The following TTC7B variants were observed in gnomAD, a reference collection of about 807,000 sequenced individuals.
TTC7B encodes the protein tetratricopeptide repeat protein 7B.
TTC7B carries 28 observed loss-of-function variants against 106.8 expected under a neutral mutation model. The ratio of observed to expected loss-of-function variants is 0.26; its 90% CI spans 0.19 to 0.36. TTC7B has a LOEUF of 0.36. TTC7B is among the 10% of genes least tolerant of loss of function. The pLI is 1.00. For synonymous variants in TTC7B, 405 were observed against 430.6 expected (o/e 0.94, Z 0.74); for missense variants, 862 against 1,076.4 (o/e 0.80, Z 2.79).
At chr14:90,625,316 G>C (rs925955068) in intron 15 of TTC7B, among the ~76,000 whole-genome samples, 1 of 152,212 alleles carries the variant, frequency 6.6e-6, no homozygotes, top group Admixed American at 6.5e-5. Flanking sequence ...CCCAAGGAGA[G>C]GGATGTCATC....
rs1458001765 is a variant in TTC7B, at chr14:90,578,084, A to G, written c.2310+22T>C. The G allele has an allele frequency of 6.3e-7, 1 of 1,588,854 alleles. No individual in the cohort carries two copies. Among genetic ancestry groups the G allele is most frequent in the Non-Finnish European group, 8.6e-7 (1 of 1,167,328 alleles). ...CTGTCCCCATGCCAGAGTAGGGGCC[A>G]CCGCCGGGCTCGTGGACTCACCAGT... On this transcript the variant is annotated intron_variant, in intron 19 of 19. Coordinates refer to ENST00000328459, the MANE Select transcript of TTC7B (RefSeq NM_001010854.2). The surrounding 1 kb of genome is among the most constrained non-coding windows in gnomAD (Gnocchi z 4.7).
intron 16 of TTC7B, among the ~76,000 whole-genome samples, chr14:90,615,218 G>T (rs978106000): frequency 6.6e-6 from 1 of 152,124 alleles, no homozygotes; most frequent in Non-Finnish European, 1.5e-5. Flanking sequence ...AAGAGGGAAC[G>T]GGTTGCTGAG....
At chr14:90,648,030 T>TAATA (rs1885542860) in intron 13 of TTC7B, among the ~76,000 whole-genome samples, 1 of 152,130 alleles carries the variant, frequency 6.6e-6, no homozygotes, top group African/African-American at 2.4e-5. Flanking sequence ...CTTTCTACAA[T>TAATA]AATAAGGCCT....
chr14:90,588,110 C>T (rs1255547659), intron 18 of TTC7B, among the ~76,000 whole-genome samples: 1 of 152,172 alleles, frequency 6.6e-6, no homozygotes, highest in African/African-American at 2.4e-5. Context: ...ACTGCACACA[C>T]CACCTGTCTG....
chr14:90,684,008 C>T (rs775825213), intron 7 of TTC7B, among the ~76,000 whole-genome samples: 4 of 152,106 alleles, frequency 2.6e-5, no homozygotes, highest in East Asian at 3.9e-4. Flanking sequence ...CTGCCCTCCC[C>T]GGCCAAGACC....
intron 18 of TTC7B, among the ~76,000 whole-genome samples, chr14:90,580,555 C>T (rs1005374134): frequency 6.6e-6 from 1 of 152,210 alleles, no homozygotes; most frequent in Non-Finnish European, 1.5e-5. Context: ...GCTTGGCACA[C>T]TGCCCTTATC....
In TTC7B at chr14:90,537,374, G is replaced by GCGGC. The variant is rs1555372756; in HGVS notation, c.*3993_*3994insGCCG. On this transcript the variant is annotated 3_prime_UTR_variant, in exon 20 of 20. Coordinates refer to ENST00000328459, the MANE Select transcript of TTC7B (RefSeq NM_001010854.2). The stretch of plus-strand genomic sequence containing the variant: ...GCTATTTTTTTTTTTTTGTAGAGAT[G>GCGGC]GGGGGGGGGTCTCACCATGTTGCCC... 2.5e-5 allele frequency: 1 copy of GCGGC among 39,876 alleles called. No individual in the cohort carries two copies. Among genetic ancestry groups the GCGGC allele is most frequent in the African/African-American group, 8.9e-5 (1 of 11,202 alleles). 2.5% of individuals were successfully genotyped at this position (39,876 alleles called of 1,614,324 possible).
chr14:90,561,484 T>C (rs1354527348), intron 19 of TTC7B, among the ~76,000 whole-genome samples: 1 of 152,228 alleles, frequency 6.6e-6, no homozygotes, highest in Non-Finnish European at 1.5e-5. Flanking sequence ...TTCACATTTC[T>C]CCTGAGAACC....
intron 1 of TTC7B, among the ~76,000 whole-genome samples, chr14:90,800,239 G>C (rs898648593): frequency 1.3e-5 from 2 of 152,162 alleles, no homozygotes; most frequent in Non-Finnish European, 2.9e-5. Context: ...AGTCAGGTGA[G>C]ACGTGATGGT....
rs1020384159 is a variant in TTC7B at position 90,574,691 on chromosome 14, G to T, written c.2310+3415C>A. 2.0e-5 allele frequency among the ~76,000 whole-genome samples: 3 copies of T among 152,180 alleles called. No homozygotes were observed. The South Asian group carries it at 6.2e-4, about 32-fold the overall frequency. ...GCAAGCTGCTGATCTGGCACCTGCT[G>T]CCACTTACAACTCCTGGCATAACTG... On this transcript the variant is annotated intron_variant, in intron 19 of 19. Coordinates refer to ENST00000328459, the MANE Select transcript of TTC7B (RefSeq NM_001010854.2).
chr14:90,600,169 G>A lies in TTC7B; in HGVS notation c.1967-6543C>T, dbSNP rs1258152592. ...ACTCCCACTTCGGCCCTCAAAGCAG[G>A]CATATTTCTCCATACCTTTTAAAAA... On this transcript the variant is annotated intron_variant, in intron 17 of 19. Coordinates refer to ENST00000328459, the MANE Select transcript of TTC7B (RefSeq NM_001010854.2). The surrounding 1 kb of genome is among the most constrained non-coding windows in gnomAD (Gnocchi z 4.3). Among the ~76,000 whole-genome samples the A allele has an allele frequency of 6.6e-6, 1 of 152,146 alleles. No individual in the cohort carries two copies. The highest frequency in any genetic ancestry group is 1.9e-4 in the East Asian group (1 of 5,182).
Position 90,685,626 on chromosome 14 carries a change from C to T in TTC7B, c.950+3914G>A, listed in dbSNP as rs143763595. ...AGACTGACTCTAAAAAAGAGAAAAACGACTTAAATTACTAAAATGAGAAAT... is the reference window on the plus strand; with the variant it reads ...AGACTGACTCTAAAAAAGAGAAAAATGACTTAAATTACTAAAATGAGAAAT... On this transcript the variant is annotated intron_variant, in intron 7 of 19. Transcript: ENST00000328459. 2.6e-3 allele frequency among the ~76,000 whole-genome samples: 402 copies of T among 152,014 alleles called. 4 individuals are homozygous for T. Among genetic ancestry groups the T allele is most frequent in the African/African-American group, 8.9e-3 (369 of 41,464 alleles).
chr14:90,747,790 A>G (rs1387962089), intron 3 of TTC7B, among the ~76,000 whole-genome samples: 6 of 152,254 alleles, frequency 3.9e-5, no homozygotes, highest in African/African-American at 1.4e-4. Flanking sequence ...TTTTTGTTTC[A>G]TGTATTTTAG....
intron 18 of TTC7B, 125 bp downstream of exon 18, chr14:90,593,361 T>C: frequency 1.5e-6 from 2 of 1,335,316 alleles, no homozygotes; most frequent in Non-Finnish European, 2.0e-6. Context: ...GAAGCTTTGA[T>C]CTCTCCTAAT....
intron 6 of TTC7B, among the ~76,000 whole-genome samples, chr14:90,690,768 T>TA (rs2139939954): frequency 1.3e-5 from 2 of 152,308 alleles, no homozygotes; most frequent in East Asian, 1.9e-4. Flanking sequence ...GAGACTTTTT[T>TA]AAAAAAATAA....
chr14:90,757,901 G>C lies in TTC7B; in HGVS notation c.446-12979C>G, dbSNP rs755531343. 6.6e-6 allele frequency among the ~76,000 whole-genome samples: 1 copy of C among 152,144 alleles called. No individual in the cohort carries two copies. Among genetic ancestry groups the C allele is most frequent in the Admixed American group, 6.5e-5 (1 of 15,272 alleles). On this transcript the variant is annotated intron_variant, in intron 3 of 19. Coordinates refer to ENST00000328459, the MANE Select transcript of TTC7B (RefSeq NM_001010854.2). The surrounding 1 kb of genome is among the most constrained non-coding windows in gnomAD (Gnocchi z 4.1). ...TTCAATTCCTGCTAAAGCAGGAAAC[G>C]CACCTTTACATCCTTTCTCTTTGTA...
chr14:90,632,755 A>T (rs1381182776), intron 15 of TTC7B, among the ~76,000 whole-genome samples: 1 of 152,246 alleles, frequency 6.6e-6, no homozygotes, highest in Non-Finnish European at 1.5e-5. Context: ...AATCTTGGAC[A>T]AATTACTTAA....
chr14:90,576,951 A>T (rs1303704179), intron 19 of TTC7B, among the ~76,000 whole-genome samples: 1 of 152,124 alleles, frequency 6.6e-6, no homozygotes, highest in Non-Finnish European at 1.5e-5. Flanking sequence ...CAGAAAGGAC[A>T]CTGAGGTGCT....
chr14:90,657,079 A>G lies in TTC7B; in HGVS notation c.1341+95T>C, dbSNP rs563700490. On this transcript the variant is annotated intron_variant, in intron 11 of 19. Transcript: ENST00000328459. The surrounding 1 kb of genome is among the most constrained non-coding windows in gnomAD (Gnocchi z 4.2). Reference sequence around the variant, plus strand: ...CTTGTCTTTGTACAGCTGATGAATCACCCTCGCTTTCTCTCTGTGCCTCGA... The same window carrying G: ...CTTGTCTTTGTACAGCTGATGAATCGCCCTCGCTTTCTCTCTGTGCCTCGA... The G allele has an allele frequency of 1.9e-6, 2 of 1,073,290 alleles. No homozygotes were observed. Among genetic ancestry groups the G allele is most frequent in the South Asian group, 2.9e-5 (2 of 70,008 alleles). 66.5% of individuals were successfully genotyped at this position (1,073,290 alleles called of 1,614,324 possible).
Sources: allele counts gnomAD v4.1 joint callset (sites outside exome capture counted in the v4.1 genomes callset), GRCh38; gene constraint gnomAD v4.1.1; non-coding constraint Gnocchi (gnomAD v3.1); transcripts MANE v1.5; gene names NCBI Gene and HGNC (gene_info 2026-07-23, HGNC 2026-07-21).